ASTN2: variants seen among roughly 807,000 people sequenced by gnomAD.
The protein encoded by ASTN2 is astrotactin 2, also known as astrotactin-2.
In ASTN2, 54 loss-of-function variants were observed where a neutral mutation model predicts 139.8. The ratio of observed to expected loss-of-function variants is 0.39; its 90% CI spans 0.31 to 0.48. ASTN2 has a LOEUF of 0.48. Among genes scored for constraint, ASTN2 ranks in the 20% least tolerant of loss-of-function variants. ASTN2 has a pLI of 0.95. For synonymous variants in ASTN2, 756 were observed against 719.5 expected, an observed-to-expected ratio of 1.05 and a Z score of -0.81; for missense variants, 1,565 against 1,725.1, an observed-to-expected ratio of 0.91 and a Z score of 1.64.
chr9:116,917,601 C>T (rs910799137), intron 10 of ASTN2, among the ~76,000 whole-genome samples: 1 of 152,216 alleles, frequency 6.6e-6, no homozygotes, highest in South Asian at 2.1e-4. Context: ...TCATCCCAAA[C>T]CCTCTACATA....
At chr9:116,752,621 T>C (rs1348296418) in intron 13 of ASTN2, among the ~76,000 whole-genome samples, 1 of 152,126 alleles carries the variant, frequency 6.6e-6, no homozygotes, top group Non-Finnish European at 1.5e-5. Context: ...TTACAAAACA[T>C]ACATCTGCTA....
chr9:117,212,568 C>CA (rs900133004), intron 3 of ASTN2, among the ~76,000 whole-genome samples: 1 of 1,088 alleles, frequency 9.2e-4, no homozygotes, highest in African/African-American at 1.3e-3. Flanking sequence ...ACAGCAAAAA[C>CA]AAAAAACAAA....
At chr9:117,343,046 C>T (rs1396067235) in intron 1 of ASTN2, among the ~76,000 whole-genome samples, 4 of 152,200 alleles carry the variant, frequency 2.6e-5, no homozygotes, top group African/African-American at 9.7e-5. Flanking sequence ...ATCTCACACT[C>T]ACTTCAGAAA....
At chr9:117,408,395 T>C (rs182795627) in intron 1 of ASTN2, among the ~76,000 whole-genome samples, 1 of 152,300 alleles carries the variant, frequency 6.6e-6, no homozygotes, top group East Asian at 1.9e-4. Flanking sequence ...CTTGTGAGTC[T>C]GTGATGCTGG....
chr9:116,935,805 G>A (rs532420852), intron 10 of ASTN2, among the ~76,000 whole-genome samples: 49 of 152,214 alleles, frequency 3.2e-4, no homozygotes, highest in Admixed American at 2.0e-3. Context: ...TCATGTATTT[G>A]TTTAGTACGA....
chr9:117,255,702 G>A (rs1833667699), intron 2 of ASTN2, among the ~76,000 whole-genome samples: 1 of 152,206 alleles, frequency 6.6e-6, no homozygotes, highest in Non-Finnish European at 1.5e-5. Flanking sequence ...GGAGAACACG[G>A]AGGAGACATA....
At position 117,261,995 on chromosome 9, in the gene ASTN2, A is replaced by T. The variant is rs947175761; in HGVS notation, c.630+29331T>A. Among the ~76,000 whole-genome samples the T allele has an allele frequency of 2.6e-5, 4 of 152,220 alleles. No individual in the cohort carries two copies. In the South Asian group the frequency reaches 8.3e-4, roughly 31 times the overall value. On this transcript the variant is annotated intron_variant, in intron 2 of 22. Transcript: ENST00000313400. ...CAAGGAAGATAATACTCTTTATTTT[A>T]AAAAGGTATTATTTCAATTCTCTTT... is the stretch of plus-strand genomic sequence containing the variant.
At chr9:116,865,152 G>A (rs528441290) in intron 10 of ASTN2, among the ~76,000 whole-genome samples, 2 of 152,114 alleles carry the variant, frequency 1.3e-5, no homozygotes, top group African/African-American at 4.8e-5. Context: ...TTATTGCCAA[G>A]CCCTCTTGGG....
At chr9:116,939,653 A>G (rs994528081) in intron 10 of ASTN2, among the ~76,000 whole-genome samples, 1 of 152,096 alleles carries the variant, frequency 6.6e-6, no homozygotes, top group Non-Finnish European at 1.5e-5. Context: ...CACACATGCA[A>G]ATCTTGGGTG....
intron 10 of ASTN2, among the ~76,000 whole-genome samples, chr9:116,892,796 T>G (rs1452959723): frequency 6.6e-6 from 1 of 152,194 alleles, no homozygotes; most frequent in Non-Finnish European, 1.5e-5. Flanking sequence ...ATGGGATGAC[T>G]GCCTAATATG....
chr9:117,355,542 T>C (rs957107606), intron 1 of ASTN2, among the ~76,000 whole-genome samples: 3 of 152,146 alleles, frequency 2.0e-5, no homozygotes, highest in Non-Finnish European at 2.9e-5. Flanking sequence ...GACACCAGGC[T>C]GCTTAGCTCC....
At chr9:116,983,538 CAAT>C (rs1353300030) in intron 7 of ASTN2, among the ~76,000 whole-genome samples, 1 of 152,182 alleles carries the variant, frequency 6.6e-6, no homozygotes, top group Non-Finnish European at 1.5e-5. Flanking sequence ...ACCACAAGGA[CAAT>C]AACAAGGACA....
At chr9:116,929,382 A>G (rs904878111) in intron 10 of ASTN2, among the ~76,000 whole-genome samples, 9 of 152,234 alleles carry the variant, frequency 5.9e-5, no homozygotes, top group Non-Finnish European at 1.3e-4. Context: ...GGTATAGATT[A>G]TTTGCTTTGA....
chr9:117,018,599 G>A (rs888130716), intron 6 of ASTN2, among the ~76,000 whole-genome samples: 2 of 152,038 alleles, frequency 1.3e-5, no homozygotes, highest in East Asian at 3.9e-4. Context: ...GGCTTCACTG[G>A]AAAAAGCATA....
intron 16 of ASTN2, among the ~76,000 whole-genome samples, chr9:116,706,642 TCTC>T (rs996299633): frequency 1.3e-5 from 2 of 151,896 alleles, no homozygotes; most frequent in African/African-American, 4.8e-5. Flanking sequence ...GGGTTCAACC[TCTC>T]CTCTGTGGGA....
At chr9:117,248,276 C>T (rs1833440930) in intron 2 of ASTN2, among the ~76,000 whole-genome samples, 1 of 152,118 alleles carries the variant, frequency 6.6e-6, no homozygotes, top group African/African-American at 2.4e-5. Flanking sequence ...ATAGCAAGGA[C>T]AAAGGCCATA....
chr9:116,858,035 C>T (rs771980908), intron 11 of ASTN2, among the ~76,000 whole-genome samples: 4 of 152,174 alleles, frequency 2.6e-5, no homozygotes, highest in Non-Finnish European at 4.4e-5. Context: ...AATCCTCTAT[C>T]CAGTTGACAG....
chr9:116,644,366 C>T (rs1426342832), intron 17 of ASTN2, among the ~76,000 whole-genome samples: 1 of 152,028 alleles, frequency 6.6e-6, no homozygotes, highest in Admixed American at 6.6e-5. Flanking sequence ...AGTCTGAAAA[C>T]CCGAGGGCTG....
At chr9:117,330,696 A>G (rs899870137) in intron 1 of ASTN2, among the ~76,000 whole-genome samples, 1 of 152,132 alleles carries the variant, frequency 6.6e-6, no homozygotes, top group African/African-American at 2.4e-5. Context: ...CCAGCTGCAA[A>G]TGCAATGTAC....
Sources: allele counts gnomAD v4.1 joint callset (sites outside exome capture counted in the v4.1 genomes callset), GRCh38; gene constraint gnomAD v4.1.1; transcripts MANE v1.5; gene names NCBI Gene and HGNC (gene_info 2026-07-23, HGNC 2026-07-21).